PDE7B: variants seen among roughly 807,000 people sequenced by gnomAD.
PDE7B encodes the protein 3',5'-cyclic-AMP phosphodiesterase 7B.
In PDE7B, 29 loss-of-function variants were observed where a neutral mutation model predicts 56.2. That is an observed-to-expected ratio of 0.52 (90% CI 0.38 to 0.70). The LOEUF (loss-of-function observed/expected upper bound fraction) is 0.70. Among genes scored for constraint, PDE7B ranks in the 30% least tolerant of loss-of-function variants. The probability of loss-of-function intolerance (pLI) is 0.00; values close to 1 mark genes in which losing one functional copy is unlikely to be tolerated. For synonymous variants in PDE7B, 197 were observed against 196.9 expected (o/e 1.00, Z 0.00); for missense variants, 490 against 565.0 (o/e 0.87, Z 1.35).
chr6:136,030,086 T>TTA (rs753911097), intron 2 of PDE7B, among the ~76,000 whole-genome samples: 3 of 152,190 alleles, frequency 2.0e-5, no homozygotes, highest in Non-Finnish European at 2.9e-5. Context: ...CTCCCCTGGA[T>TTA]TATATATATC....
At chr6:135,873,727 A>G (rs1775435046) in intron 1 of PDE7B, among the ~76,000 whole-genome samples, 1 of 152,310 alleles carries the variant, frequency 6.6e-6, no homozygotes, top group Middle Eastern at 3.4e-3. Context: ...ATCAATATAA[A>G]CTTTGGTTTA....
chr6:136,178,420 T>C (rs1323856000), intron 9 of PDE7B, among the ~76,000 whole-genome samples: 1 of 152,206 alleles, frequency 6.6e-6, no homozygotes, highest in Non-Finnish European at 1.5e-5. Context: ...AGATATCCCA[T>C]TTTCTCTATA....
rs548177198 is a variant in PDE7B at position 136,108,937 on chromosome 6, C to T, written c.166+123C>T. ...CTGCCTTCCTTCCTGAATCTCTCTTCTGCCAACTAGAACTTAACCCTTTGT... is the reference window on the plus strand; with the variant it reads ...CTGCCTTCCTTCCTGAATCTCTCTTTTGCCAACTAGAACTTAACCCTTTGT... On this transcript the variant is annotated intron_variant, in intron 3 of 12. Coordinates refer to ENST00000308191, the MANE Select transcript of PDE7B (RefSeq NM_018945.4). The T allele has an allele frequency of 9.8e-4, 691 of 703,704 alleles. 9 individuals are homozygous for T. Among genetic ancestry groups the T allele is most frequent in the South Asian group, 7.3e-3 (477 of 65,464 alleles). The allele number at this position is 703,704 out of a possible 1,614,324, so 43.6% of individuals were successfully genotyped here.
At position 136,192,359 on chromosome 6, in the gene PDE7B, T is replaced by G. The variant is rs1289961810; in HGVS notation, c.*519T>G. ...ATATTATTATAAAAATAATAAATCT[T>G]TTTAACTTTTATATTTTATGCACTA... On this transcript the variant is annotated 3_prime_UTR_variant, in exon 13 of 13. Transcript: ENST00000308191. 3 of 152,088 alleles carry G rather than the reference T, an allele frequency of 2.0e-5. No homozygotes were observed. The highest frequency in any genetic ancestry group is 7.2e-5 in the African/African-American group (3 of 41,434). The allele number at this position is 152,088 out of a possible 1,614,324, so 9.4% of individuals were successfully genotyped here. A position where few individuals can be genotyped will look rare whatever the true frequency, so the allele number is the denominator to read the frequency against.
chr6:136,041,403 T>G (rs189592428), intron 2 of PDE7B, among the ~76,000 whole-genome samples: 1 of 152,284 alleles, frequency 6.6e-6, no homozygotes, highest in East Asian at 1.9e-4. Flanking sequence ...ATTAGGAGTA[T>G]GGAATGGAAA....
chr6:136,064,042 T>C (rs2128212983), intron 2 of PDE7B, among the ~76,000 whole-genome samples: 2 of 152,340 alleles, frequency 1.3e-5, no homozygotes, highest in East Asian at 3.8e-4. Flanking sequence ...TTTAATGCAA[T>C]GTGTGGAGTA....
chr6:136,047,630 A>C (rs990860939), intron 2 of PDE7B: 1 of 152,242 alleles, frequency 6.6e-6, no homozygotes, highest in Non-Finnish European at 1.5e-5. Context: ...TGATGTTTCA[A>C]TGTTACATAC....
At chr6:136,153,434 C>T (rs1179022569) in intron 6 of PDE7B, among the ~76,000 whole-genome samples, 1 of 152,140 alleles carries the variant, frequency 6.6e-6, no homozygotes, top group Non-Finnish European at 1.5e-5. Context: ...ACCAAAATCG[C>T]CTTGCCTGTG....
At chr6:136,008,787 C>G (rs1775835192) in intron 2 of PDE7B, among the ~76,000 whole-genome samples, 1 of 152,054 alleles carries the variant, frequency 6.6e-6, no homozygotes. Flanking sequence ...TGTAGGTTGC[C>G]TGTTCACTCT....
intron 2 of PDE7B, among the ~76,000 whole-genome samples, chr6:135,967,789 T>C (rs916124265): frequency 6.6e-6 from 1 of 152,150 alleles, no homozygotes; most frequent in African/African-American, 2.4e-5. Flanking sequence ...TGAATACTCG[T>C]ATAAGGAGAA....
intron 2 of PDE7B, among the ~76,000 whole-genome samples, chr6:136,107,164 A>G (rs1490476682): frequency 6.6e-6 from 1 of 152,178 alleles, no homozygotes; most frequent in Non-Finnish European, 1.5e-5. Flanking sequence ...CATGAGTTGC[A>G]GCTGATGGGG....
Position 136,191,829 on chromosome 6 carries a change from G to T in PDE7B, c.1342G>T (p.Asp448Tyr), listed in dbSNP as rs1188639692. ...GACTGAGAGCGAGGAGCAGGAAGGCGACAGCCCCTAGGGGCCGGCCCAACT... is the reference window on the plus strand; with the variant it reads ...GACTGAGAGCGAGGAGCAGGAAGGCTACAGCCCCTAGGGGCCGGCCCAACT... ...QGTESEEQEG[D>Y]SP The change falls in exon 13 of 13, where the codon GAC (aspartate) becomes TAC (tyrosine). Residue 448 changes from aspartate to tyrosine, a missense_variant. Transcript: ENST00000308191. The T allele has an allele frequency of 6.4e-7, 1 of 1,550,610 alleles. No individual in the cohort carries two copies.
intron 1 of PDE7B, among the ~76,000 whole-genome samples, chr6:135,868,364 C>A (rs936846481): frequency 5.9e-5 from 9 of 152,186 alleles, no homozygotes; most frequent in Admixed American, 3.3e-4. Flanking sequence ...TTACTATCAC[C>A]ATCACCCCCA....
At chr6:136,110,712 A>AT (rs10708902) in intron 3 of PDE7B, among the ~76,000 whole-genome samples, 7,475 of 126,714 alleles carry the variant, frequency 0.059, 264 homozygotes, top group Non-Finnish European at 0.082. Context: ...ATTCTGCAAC[A>AT]TTTTTTTTTT....
chr6:136,192,070 G>T lies in PDE7B; in HGVS notation c.*230G>T, dbSNP rs981109122. On this transcript the variant is annotated 3_prime_UTR_variant, in exon 13 of 13. Transcript: ENST00000308191. ...GAAATGAGCAACTCCATTCAGTAAC[G>T]TGGGAGCTGATCCCACGGGCAGGCT... 9.1e-6 allele frequency: 5 copies of T among 550,888 alleles called. No homozygotes were observed. Among genetic ancestry groups the T allele is most frequent in the African/African-American group, 7.6e-5 (4 of 52,778 alleles). The allele number at this position is 550,888 out of a possible 1,614,324, so 34.1% of individuals were successfully genotyped here. A position where few individuals can be genotyped will look rare whatever the true frequency, so the allele number is the denominator to read the frequency against.
chr6:135,952,421 A>G (rs542209940), intron 2 of PDE7B, among the ~76,000 whole-genome samples: 2 of 152,134 alleles, frequency 1.3e-5, no homozygotes, highest in Non-Finnish European at 2.9e-5. Flanking sequence ...AATTAATCGG[A>G]TGTGCATCAA....
At chr6:135,924,363 C>T (rs1464470303) in intron 1 of PDE7B, among the ~76,000 whole-genome samples, 5 of 152,184 alleles carry the variant, frequency 3.3e-5, no homozygotes, top group Non-Finnish European at 7.3e-5. Context: ...ATTCTGCTCC[C>T]TCTAGATTCT....
chr6:136,149,257 T>A, intron 5 of PDE7B, 107 bp downstream of exon 5: 1 of 761,120 alleles, frequency 1.3e-6, no homozygotes, highest in Non-Finnish European at 2.3e-6. Context: ...TTTCCTTCTT[T>A]CCCCATTTTC....
intron 1 of PDE7B, among the ~76,000 whole-genome samples, chr6:135,935,216 A>ATATATATT (rs1363801314): frequency 7.2e-5 from 7 of 96,594 alleles, no homozygotes; most frequent in South Asian, 6.1e-4. Flanking sequence ...ATATATATAT[A>ATATATATT]TTTTCATGAT....
Sources: gnomAD v4.1 joint callset for allele counts (sites outside exome capture counted in the v4.1 genomes callset) on GRCh38, gnomAD v4.1.1 for gene constraint, MANE v1.5 for transcripts, NCBI Gene and HGNC (gene_info 2026-07-23, HGNC 2026-07-21) for gene names.